TRPC4: variants seen among roughly 807,000 people sequenced by gnomAD.
The protein encoded by TRPC4 is short transient receptor potential channel 4.
TRPC4 carries 49 observed loss-of-function variants against 99.4 expected under a neutral mutation model. That is an observed-to-expected ratio of 0.49 (90% CI 0.39 to 0.63). The LOEUF is 0.63. Ranked by LOEUF, TRPC4 falls within the 20% of genes least tolerant of loss-of-function variation. The pLI is 0.00. For missense variants in TRPC4, 898 were observed against 1,152.9 expected (o/e 0.78, Z 3.20); for synonymous variants, 454 against 425.9 (o/e 1.07, Z -0.81).
At chr13:37,710,783 G>A (rs1954457371) in intron 3 of TRPC4, among the ~76,000 whole-genome samples, 1 of 151,694 alleles carries the variant, frequency 6.6e-6, no homozygotes, top group Admixed American at 6.6e-5. Flanking sequence ...GAGATATCTG[G>A]CCATGGATTT....
intron 2 of TRPC4, among the ~76,000 whole-genome samples, chr13:37,751,430 T>A (rs1252428477): frequency 6.6e-6 from 1 of 151,740 alleles, no homozygotes; most frequent in East Asian, 1.9e-4. Flanking sequence ...GAGAGAAGGG[T>A]CTGACAAAAG....
chr13:37,694,217 T>A (rs894935642), intron 3 of TRPC4, among the ~76,000 whole-genome samples: 3 of 152,112 alleles, frequency 2.0e-5, no homozygotes, highest in African/African-American at 7.2e-5. Context: ...AGCTGAAAAG[T>A]CTTGATAAAA....
At chr13:37,755,303 G>A (rs1956068679) in intron 2 of TRPC4, among the ~76,000 whole-genome samples, 1 of 148,754 alleles carries the variant, frequency 6.7e-6, no homozygotes, top group Admixed American at 6.8e-5. Flanking sequence ...CTCACTCTGT[G>A]GCCTAGGCTG....
chr13:37,781,522 C>T (rs1377781960), intron 2 of TRPC4, among the ~76,000 whole-genome samples: 1 of 152,018 alleles, frequency 6.6e-6, no homozygotes, highest in African/African-American at 2.4e-5. Context: ...TGGTGAAAGA[C>T]TGGTATATAA....
At chr13:37,835,605 C>A (rs575005440) in intron 1 of TRPC4, among the ~76,000 whole-genome samples, 1 of 152,012 alleles carries the variant, frequency 6.6e-6, no homozygotes, top group Non-Finnish European at 1.5e-5. Flanking sequence ...CAGACAGTGA[C>A]GTAGCAGAAG....
intron 1 of TRPC4, among the ~76,000 whole-genome samples, chr13:37,859,074 A>C (rs1308989192): frequency 6.6e-6 from 1 of 151,568 alleles, no homozygotes; most frequent in African/African-American, 2.4e-5. Flanking sequence ...ATGTACACAA[A>C]AAATTAAAAA....
intron 1 of TRPC4, among the ~76,000 whole-genome samples, chr13:37,796,216 A>T (rs189037704): frequency 3.1e-4 from 47 of 152,278 alleles, no homozygotes; most frequent in African/African-American, 1.1e-3. Flanking sequence ...CAACATAATA[A>T]CAATAGCAAC....
chr13:37,663,093 T>C (rs1326850371), intron 6 of TRPC4, among the ~76,000 whole-genome samples: 1 of 152,254 alleles, frequency 6.6e-6, no homozygotes, highest in Non-Finnish European at 1.5e-5. Flanking sequence ...TATCTTTTAA[T>C]GTACTTGTAA....
rs768014153 is a variant in TRPC4, at chr13:37,633,246, A to G, written c.*3657T>C. 1.3e-5 allele frequency among the ~76,000 whole-genome samples: 2 copies of G among 152,202 alleles called. No homozygotes were observed. The highest frequency in any genetic ancestry group is 4.8e-5 in the African/African-American group (2 of 41,460). On this transcript the variant is annotated 3_prime_UTR_variant, in exon 11 of 11. Coordinates refer to ENST00000379705, the MANE Select transcript of TRPC4 (RefSeq NM_016179.4). ...TTTCTAAATTCTATGGTTAGTTTTA[A>G]GTCAGAATTTCAGATAATACAGAGA...
intron 1 of TRPC4, among the ~76,000 whole-genome samples, chr13:37,813,976 A>T (rs1593802826): frequency 6.6e-6 from 1 of 152,006 alleles, no homozygotes; most frequent in East Asian, 1.9e-4. Flanking sequence ...TTAAAAAATG[A>T]CTGTATATTA....
At chr13:37,763,007 T>C (rs903724246) in intron 2 of TRPC4, among the ~76,000 whole-genome samples, 1 of 151,556 alleles carries the variant, frequency 6.6e-6, no homozygotes, top group African/African-American at 2.4e-5. Context: ...TTAAATAAAT[T>C]TGGATTAACA....
chr13:37,635,390 A>T lies in TRPC4; in HGVS notation c.*1513T>A, dbSNP rs558789994. On this transcript the variant is annotated 3_prime_UTR_variant, in exon 11 of 11. Transcript: ENST00000379705. The stretch of plus-strand genomic sequence containing the variant: ...GGGATAAAAACAGGAGCTACTTCAG[A>T]GGGCTGTAAAGAGCAGTACATAAAT... Among the ~76,000 whole-genome samples the T allele has an allele frequency of 1.3e-5, 2 of 152,248 alleles. No homozygotes were observed. Among genetic ancestry groups the T allele is most frequent in the Admixed American group, 6.5e-5 (1 of 15,276 alleles).
intron 1 of TRPC4, among the ~76,000 whole-genome samples, chr13:37,827,034 T>C (rs1958247372): frequency 6.6e-6 from 1 of 152,092 alleles, no homozygotes; most frequent in Non-Finnish European, 1.5e-5. Flanking sequence ...CATCTTCCAT[T>C]GCTGATACCC....
chr13:37,640,639 T>C (rs1951688397), intron 8 of TRPC4, among the ~76,000 whole-genome samples: 1 of 152,154 alleles, frequency 6.6e-6, no homozygotes, highest in Non-Finnish European at 1.5e-5. Flanking sequence ...TGAAAAAGTA[T>C]GGCATGGGAA....
At chr13:37,719,297 G>A (rs1156486317) in intron 3 of TRPC4, among the ~76,000 whole-genome samples, 2 of 152,126 alleles carry the variant, frequency 1.3e-5, no homozygotes, top group African/African-American at 2.4e-5. Flanking sequence ...GCAGTGAGCC[G>A]GGATCATGCC....
intron 3 of TRPC4, among the ~76,000 whole-genome samples, chr13:37,726,144 C>T (rs968487601): frequency 2.0e-5 from 3 of 151,542 alleles, no homozygotes; most frequent in Non-Finnish European, 2.9e-5. Flanking sequence ...TGCAGTGAGC[C>T]GAGATCGTAC....
At chr13:37,696,779 T>A (rs922119731) in intron 3 of TRPC4, among the ~76,000 whole-genome samples, 3 of 152,186 alleles carry the variant, frequency 2.0e-5, no homozygotes, top group African/African-American at 7.2e-5. Context: ...TCAAAAATAA[T>A]CTGTATGGGG....
Position 37,639,134 on chromosome 13 carries a change from G to A in TRPC4, c.2122-5C>T, listed in dbSNP as rs572243974. On this transcript the variant is annotated splice_region_variant and splice_polypyrimidine_tract_variant and intron_variant, in intron 9 of 10. Coordinates refer to ENST00000379705, the MANE Select transcript of TRPC4 (RefSeq NM_016179.4). ...CACCAGGTTCCTCATAACTTCCTGA[G>A]GCATTTTAGAACAAGAGTATTGATA... The A allele has an allele frequency of 1.1e-5, 18 of 1,613,586 alleles. No homozygotes were observed. The African/African-American group carries it at 2.3e-4, about 20-fold the overall frequency.
chr13:37,638,717 T>C (rs961784319), intron 10 of TRPC4, among the ~76,000 whole-genome samples: 5 of 152,050 alleles, frequency 3.3e-5, no homozygotes, highest in African/African-American at 1.2e-4. Flanking sequence ...TTGTTGTCAG[T>C]GTGTTAGTTA....
Sources: gnomAD v4.1 joint callset for allele counts (sites outside exome capture counted in the v4.1 genomes callset) on GRCh38, gnomAD v4.1.1 for gene constraint, MANE v1.5 for transcripts, NCBI Gene and HGNC (gene_info 2026-07-23, HGNC 2026-07-21) for gene names.